KCNRG: variants seen among roughly 807,000 people sequenced by gnomAD.
KCNRG encodes potassium channel regulator, also known as potassium channel regulatory protein.
In KCNRG, 17 loss-of-function variants were observed where a neutral mutation model predicts 17.7. The observed-to-expected ratio is 0.96, with a 90% CI of 0.66 to 1.44. The LOEUF (loss-of-function observed/expected upper bound fraction) is 1.44. Ranked by LOEUF, KCNRG falls within the 40% of genes most tolerant of loss-of-function variation. The probability of loss-of-function intolerance (pLI) is 0.00; values close to 1 mark genes in which losing one functional copy is unlikely to be tolerated. For missense variants in KCNRG, 311 were observed against 321.1 expected (o/e 0.97, Z 0.24); for synonymous variants, 97 against 116.5 (o/e 0.83, Z 1.08).
At chr13:50,019,841 C>A (rs753409276) in intron 1 of KCNRG, among the ~76,000 whole-genome samples, 10 of 152,062 alleles carry the variant, frequency 6.6e-5, no homozygotes, top group Non-Finnish European at 1.5e-4. Flanking sequence ...AGTTTGAGAC[C>A]AGCCTGGCCA....
chr13:50,015,465 G>A lies in KCNRG; in HGVS notation c.-29G>A. On this transcript the variant is annotated 5_prime_UTR_variant, in exon 1 of 2. An upstream start codon of the reference 5' UTR is lost. Coordinates refer to ENST00000312942, the MANE Select transcript of KCNRG (RefSeq NM_173605.2). ...GGTTGATTTCCTAAGTGTGGCTGAT[G>A]GTAGCCTCTAGTTTGAAGTGAGGGA... is the stretch of plus-strand genomic sequence containing the variant. 1.3e-6 allele frequency: 2 copies of A among 1,505,856 alleles called. No individual in the cohort carries two copies. Among genetic ancestry groups the A allele is most frequent in the South Asian group, 2.4e-5 (2 of 83,536 alleles). The allele number at this position is 1,505,856 out of a possible 1,614,324, so 93.3% of individuals were successfully genotyped here.
In KCNRG at chr13:50,015,721, T is replaced by C; in HGVS notation, c.228T>C (p.Phe76=). Residue 76 remains phenylalanine (F), a synonymous_variant, in exon 1 of 2, where the codon TTT becomes TTC. Coordinates refer to ENST00000312942, the MANE Select transcript of KCNRG (RefSeq NM_173605.2). ...RTHQLLLPTE[F]SDYLRLQREA... is the part of the protein sequence containing the mutation. ...ACCAGCTTTTATTACCCACTGAATT[T>C]TCAGACTATCTTAGGCTTCAGAGAG... 1 of 1,614,112 alleles carries C rather than the reference T, an allele frequency of 6.2e-7. No individual in the cohort carries two copies. The highest frequency in any genetic ancestry group is 1.6e-4 in the Middle Eastern group (1 of 6,062).
Position 50,015,445 on chromosome 13 carries a change from A to G in KCNRG, c.-49A>G. ...TAGCAACATTTATGGTTATAGGTTG[A>G]TTTCCTAAGTGTGGCTGATGGTAGC... On this transcript the variant is annotated 5_prime_UTR_variant, in exon 1 of 2. Transcript: ENST00000312942. 7.4e-7 allele frequency: 1 copy of G among 1,355,208 alleles called. No individual in the cohort carries two copies. Among genetic ancestry groups the G allele is most frequent in the Non-Finnish European group, 1.0e-6 (1 of 971,430 alleles). 83.9% of individuals were successfully genotyped at this position (1,355,208 alleles called of 1,614,324 possible).
Position 50,015,588 on chromosome 13 carries a change from C to CA in KCNRG, c.96dup (p.Arg33ThrfsTer24). 6.2e-7 allele frequency: 1 copy of CA among 1,614,090 alleles called. No individual in the cohort carries two copies. The highest frequency in any genetic ancestry group is 1.3e-5 in the African/African-American group (1 of 75,040). On this transcript the variant is annotated frameshift_variant, in exon 1 of 2. Coordinates refer to ENST00000312942, the MANE Select transcript of KCNRG (RefSeq NM_173605.2). LOFTEE classifies it high-confidence loss of function. ...AAGCAGTTTCCTGCTTCTCGTTTGGCACGCATGTTAGATGGCAGAGACCAA... is the reference window on the plus strand; with the variant it reads ...AAGCAGTTTCCTGCTTCTCGTTTGGCAACGCATGTTAGATGGCAGAGACCAA...
rs1489244365 is a variant in KCNRG at position 50,020,675 on chromosome 13, A to G, written c.*221A>G. ...TGCTTTGGTATATGTTCTACCTTCA[A>G]TACATCTTTCCCTTTCTCTTCTTCA... On this transcript the variant is annotated 3_prime_UTR_variant, in exon 2 of 2. Coordinates refer to ENST00000312942, the MANE Select transcript of KCNRG (RefSeq NM_173605.2). 2 of 482,002 alleles carry G rather than the reference A, an allele frequency of 4.1e-6. No individual in the cohort carries two copies. Among genetic ancestry groups the G allele is most frequent in the Non-Finnish European group, 7.4e-6 (2 of 268,798 alleles). The allele number at this position is 482,002 out of a possible 1,614,324, so 29.9% of individuals were successfully genotyped here. A position where few individuals can be genotyped will look rare whatever the true frequency, so the allele number is the denominator to read the frequency against.
chr13:50,015,728 T>C lies in KCNRG; in HGVS notation c.235T>C (p.Tyr79His). 3.7e-6 allele frequency: 6 copies of C among 1,614,110 alleles called. No individual in the cohort carries two copies. The highest frequency in any genetic ancestry group is 5.1e-6 in the Non-Finnish European group (6 of 1,179,940). ...TTTATTACCCACTGAATTTTCAGACTATCTTAGGCTTCAGAGAGAGGCTCT... is the reference window on the plus strand; with the variant it reads ...TTTATTACCCACTGAATTTTCAGACCATCTTAGGCTTCAGAGAGAGGCTCT... Reference protein sequence around the residue: ...QLLLPTEFSDYLRLQREALFY... With the variant: ...QLLLPTEFSDHLRLQREALFY... The change falls in exon 1 of 2, where the codon TAT (tyrosine) becomes CAT (histidine). Residue 79 changes from tyrosine to histidine, a missense_variant. Coordinates refer to ENST00000312942, the MANE Select transcript of KCNRG (RefSeq NM_173605.2).
chr13:50,020,170 T>G, intron 1 of KCNRG, 44 bp from the exon 2 acceptor site: 1 of 1,595,188 alleles, frequency 6.3e-7, no homozygotes, highest in Non-Finnish European at 8.6e-7. Context: ...TTGCTAGTTA[T>G]TAAAGGGATG....
Position 50,020,468 on chromosome 13 carries a change from C to A in KCNRG, c.*14C>A. 6.2e-7 allele frequency: 1 copy of A among 1,606,208 alleles called. No individual in the cohort carries two copies. Among genetic ancestry groups the A allele is most frequent in the Non-Finnish European group, 8.5e-7 (1 of 1,176,692 alleles). ...ATAAAGAAATGAAGTTGTCTATCCT[C>A]TTTTAAAGAGAAATTGCCATTTTTC... On this transcript the variant is annotated 3_prime_UTR_variant, in exon 2 of 2. Coordinates refer to ENST00000312942, the MANE Select transcript of KCNRG (RefSeq NM_173605.2).
Position 50,015,749 on chromosome 13 carries a change from G to A in KCNRG, c.256G>A (p.Ala86Thr). 2 of 1,613,990 alleles carry A rather than the reference G, an allele frequency of 1.2e-6. No individual in the cohort carries two copies. Among genetic ancestry groups the A allele is most frequent in the South Asian group, 2.2e-5 (2 of 91,074 alleles). ...FSDYLRLQRE[A>T]LFYELRSLVD... is the part of the protein sequence containing the mutation. ...AGACTATCTTAGGCTTCAGAGAGAG[G>A]CTCTTTTCTATGAACTTCGTTCTCT... Residue 86 changes from alanine to threonine, a missense_variant, in exon 1 of 2, where the codon GCT becomes ACT. Physicochemically the swap from Ala to Thr is moderately conservative, Grantham distance 58. Transcript: ENST00000312942.
At chr13:50,019,279 T>A (rs1415640043) in intron 1 of KCNRG, among the ~76,000 whole-genome samples, 1 of 152,180 alleles carries the variant, frequency 6.6e-6, no homozygotes. Context: ...ACTGCATTTG[T>A]TCTGTGGAGC....
At position 50,015,775 on chromosome 13, in the gene KCNRG, A is replaced by G. The variant is rs777138806; in HGVS notation, c.282A>G (p.Leu94=). The change falls in exon 1 of 2, where the codon CTA becomes CTG. Residue 94 remains leucine, a synonymous_variant. Transcript: ENST00000312942. ...REALFYELRS[L]VDLLNPYLLQ... ...CTCTTTTCTATGAACTTCGTTCTCT[A>G]GTTGATCTCTTAAACCCATACCTGC... The G allele has an allele frequency of 2.4e-5, 38 of 1,614,088 alleles. No homozygotes were observed. The highest frequency in any genetic ancestry group is 3.1e-5 in the Non-Finnish European group (37 of 1,179,986).
chr13:50,020,135 G>T, intron 1 of KCNRG, 79 bp from the exon 2 acceptor site: 1 of 1,386,298 alleles, frequency 7.2e-7, no homozygotes, highest in Non-Finnish European at 1.0e-6. Flanking sequence ...CTTTGAGGTT[G>T]TAAGTCAAAT....
In KCNRG at chr13:50,020,247, G is replaced by C; in HGVS notation, c.612G>C (p.Leu204Phe). ...YVSIKPDNRK[L>F]ANGTNVLGLL... ...CTATAAAACCTGATAACCGAAAATTGGCCAACGGAACAAATGTCCTCGGCT... is the reference window on the plus strand; with the variant it reads ...CTATAAAACCTGATAACCGAAAATTCGCCAACGGAACAAATGTCCTCGGCT... Residue 204 changes from leucine to phenylalanine, a missense_variant, in exon 2 of 2, where the codon TTG becomes TTC. Physicochemically the swap from Leu to Phe is conservative, Grantham distance 22. Transcript: ENST00000312942. 3 of 1,613,876 alleles carry C rather than the reference G, an allele frequency of 1.9e-6. No individual in the cohort carries two copies. In the South Asian group the frequency reaches 3.3e-5, roughly 18 times the overall value.
rs1594602367 is a variant in KCNRG, at chr13:50,020,567, G to A, written c.*113G>A. 3 of 1,165,130 alleles carry A rather than the reference G, an allele frequency of 2.6e-6. No individual in the cohort carries two copies. The highest frequency in any genetic ancestry group is 3.6e-6 in the Non-Finnish European group (3 of 825,496). The allele number at this position is 1,165,130 out of a possible 1,614,324, so 72.2% of individuals were successfully genotyped here. A position where few individuals can be genotyped will look rare whatever the true frequency, so the allele number is the denominator to read the frequency against. On this transcript the variant is annotated 3_prime_UTR_variant, in exon 2 of 2. Coordinates refer to ENST00000312942, the MANE Select transcript of KCNRG (RefSeq NM_173605.2). ...AGCCTAACTCTTGGCTTCATCTGCT[G>A]CCATGCCGTCTCTGGGCAACCAGGC... is the stretch of plus-strand genomic sequence containing the variant.
intron 1 of KCNRG, chr13:50,017,966 AT>A (rs1339167663): frequency 6.0e-6 from 1 of 167,030 alleles, no homozygotes; most frequent in Non-Finnish European, 1.5e-5. Flanking sequence ...TTGCTCAGTT[AT>A]TATCTCTCAA....
chr13:50,020,072 T>G, intron 1 of KCNRG, 142 bp from the exon 2 acceptor site: 1 of 721,850 alleles, frequency 1.4e-6, no homozygotes, highest in Non-Finnish European at 2.3e-6. Flanking sequence ...CATTTGGATT[T>G]GTAAAGTAAA....
chr13:50,015,670 T>G lies in KCNRG; in HGVS notation c.177T>G (p.Ser59Arg). 1 of 1,614,146 alleles carries G rather than the reference T, an allele frequency of 6.2e-7. No individual in the cohort carries two copies. The highest frequency in any genetic ancestry group is 8.5e-7 in the Non-Finnish European group (1 of 1,180,002). The change falls in exon 1 of 2, where the codon AGT becomes AGG. Residue 59 changes from serine (S) to arginine (R), a missense_variant. Coordinates refer to ENST00000312942, the MANE Select transcript of KCNRG (RefSeq NM_173605.2). ...TAGACAGAGATGGTGATTTGTTTAG[T>G]TTCATCTTAGATTTTTTGAGAACTC... Reference protein sequence around the residue: ...IFVDRDGDLFSFILDFLRTHQ... With the variant: ...IFVDRDGDLFRFILDFLRTHQ...
intron 1 of KCNRG, among the ~76,000 whole-genome samples, chr13:50,019,609 T>A (rs1322375237): frequency 2.3e-4 from 33 of 145,352 alleles, no homozygotes; most frequent in Admixed American, 2.2e-3. Context: ...ATATAAAAAT[T>A]AATACAATTT....
intron 1 of KCNRG, chr13:50,016,773 A>G (rs1283143162): frequency 1.8e-5 from 3 of 166,930 alleles, no homozygotes; most frequent in African/African-American, 4.8e-5. Flanking sequence ...CTGTCCTACC[A>G]TTATTTTACC....
Sources: allele counts gnomAD v4.1 joint callset (sites outside exome capture counted in the v4.1 genomes callset), GRCh38; gene constraint gnomAD v4.1.1; transcripts MANE v1.5; gene names NCBI Gene and HGNC (gene_info 2026-07-23, HGNC 2026-07-21).